The following MARS1 variants were observed in gnomAD, a reference collection of about 807,000 sequenced individuals.
MARS1 encodes methionyl-tRNA synthetase 1, also known as methionine--tRNA ligase, cytoplasmic.
MARS1 carries 80 observed loss-of-function variants against 119.5 expected under a neutral mutation model. That is an observed-to-expected ratio of 0.67 (90% CI 0.56 to 0.81). The LOEUF (loss-of-function observed/expected upper bound fraction) is 0.81, where lower values mean the gene tolerates loss of function less well. MARS1 is among the 30% of genes least tolerant of loss of function. The pLI is 0.00. For synonymous variants in MARS1, 418 were observed against 433.4 expected, an observed-to-expected ratio of 0.96 and a Z score of 0.44; for missense variants, 945 against 1,116.5, an observed-to-expected ratio of 0.85 and a Z score of 2.19.
Position 57,490,316 on chromosome 12 carries a change from T to A in MARS1, c.600T>A (p.Pro200=). 6.2e-7 allele frequency: 1 copy of A among 1,612,860 alleles called. No homozygotes were observed. The highest frequency in any genetic ancestry group is 2.2e-5 in the East Asian group (1 of 44,888). The change falls in exon 6 of 21, where the codon CCT becomes CCA. Residue 200 remains proline, a synonymous_variant. Coordinates refer to ENST00000262027, the MANE Select transcript of MARS1 (RefSeq NM_004990.4). ...AGCAAGGTGTCCTGGCTCTCCGGCCTTACCTCCAAAAGCAGCCCCAGCCCA... is the reference window on the plus strand; with the variant it reads ...AGCAAGGTGTCCTGGCTCTCCGGCCATACCTCCAAAAGCAGCCCCAGCCCA... The part of the protein sequence containing the change: ...LKQQGVLALR[P]YLQKQPQPSP...
rs1594833239 is a variant in MARS1 at position 57,512,420 on chromosome 12, A to G, written c.1753+67A>G. ...ATGAGGGGTGAGGCAGTACTTGGAAAAAGATCTTGGAGAGCTGCTATCTTG... is the reference window on the plus strand; with the variant it reads ...ATGAGGGGTGAGGCAGTACTTGGAAGAAGATCTTGGAGAGCTGCTATCTTG... On this transcript the variant is annotated intron_variant, in intron 14 of 20. Coordinates refer to ENST00000262027, the MANE Select transcript of MARS1 (RefSeq NM_004990.4). 1.5e-5 allele frequency: 17 copies of G among 1,145,566 alleles called. No individual in the cohort carries two copies. In the South Asian group the frequency reaches 1.9e-4, roughly 13 times the overall value. The allele number at this position is 1,145,566 out of a possible 1,614,324, so 71.0% of individuals were successfully genotyped here.
chr12:57,505,586 G>A (rs1428069960), intron 11 of MARS1, among the ~76,000 whole-genome samples: 1 of 152,110 alleles, frequency 6.6e-6, no homozygotes, highest in Non-Finnish European at 1.5e-5. Context: ...TGAGGTGGGA[G>A]GATCTCTTGA....
intron 7 of MARS1, among the ~76,000 whole-genome samples, chr12:57,493,378 TATATA>T (rs1434545146): frequency 4.7e-5 from 1 of 21,158 alleles, no homozygotes; most frequent in Admixed American, 7.8e-4. Flanking sequence ...TAATATATAT[TATATA>T]ATATATTATA....
At position 57,498,410 on chromosome 12, in the gene MARS1, T is replaced by A; in HGVS notation, c.888-10T>A. ...CGGGGCCCCCTAGCGATCACCATAT[T>A]CCCTTGCAGGTACTCTCGCCTCCGC... On this transcript the variant is annotated splice_polypyrimidine_tract_variant and intron_variant, in intron 8 of 20. Transcript: ENST00000262027. 3.7e-6 allele frequency: 6 copies of A among 1,613,054 alleles called. No individual in the cohort carries two copies. The highest frequency in any genetic ancestry group is 5.1e-6 in the Non-Finnish European group (6 of 1,179,776).
intron 7 of MARS1, among the ~76,000 whole-genome samples, chr12:57,494,991 A>G (rs957542165): frequency 1.3e-5 from 2 of 152,012 alleles, no homozygotes; most frequent in African/African-American, 4.8e-5. Context: ...CACCATTGTC[A>G]TCATGGCCCG....
At chr12:57,490,074 G>A (rs569333801) in intron 5 of MARS1, 103 bp downstream of exon 5, 1 of 1,432,634 alleles carries the variant, frequency 7.0e-7, no homozygotes, top group East Asian at 2.3e-5. Context: ...GCTTGACTGG[G>A]CAACTATAGC....
intron 10 of MARS1, among the ~76,000 whole-genome samples, chr12:57,503,735 T>C (rs1025946648): frequency 1.3e-5 from 2 of 152,026 alleles, no homozygotes; most frequent in Admixed American, 1.3e-4. Flanking sequence ...AGATACGGGG[T>C]TTCACTATGT....
intron 5 of MARS1, 96 bp from the exon 6 acceptor site, chr12:57,490,111 A>T: frequency 6.7e-7 from 1 of 1,484,000 alleles, no homozygotes; most frequent in Non-Finnish European, 9.3e-7. Flanking sequence ...AACTGGGGAA[A>T]GCAACTGGAG....
chr12:57,513,288 T>G (rs528013479), intron 15 of MARS1, among the ~76,000 whole-genome samples: 1 of 152,236 alleles, frequency 6.6e-6, no homozygotes, highest in Non-Finnish European at 1.5e-5. Flanking sequence ...ATTGAAAAGT[T>G]TGGCTGAAGA....
intron 7 of MARS1, among the ~76,000 whole-genome samples, chr12:57,491,924 TTC>T (rs1224011587): frequency 6.6e-6 from 1 of 152,178 alleles, no homozygotes; most frequent in African/African-American, 2.4e-5. Context: ...TCATGGGACT[TTC>T]TGTCTGGTAG....
In MARS1 at chr12:57,490,583, G is replaced by A. The variant is rs1368716892; in HGVS notation, c.709G>A (p.Val237Ile). The change falls in exon 7 of 21, where the codon GTT becomes ATT. Residue 237 changes from valine to isoleucine, a missense_variant. By Grantham distance (29) the Val-to-Ile change is conservative. Coordinates refer to ENST00000262027, the MANE Select transcript of MARS1 (RefSeq NM_004990.4). Reference sequence around the variant, plus strand: ...ATCTGAGGAGGAGATTGCTATGGCTGTTACTGCTTGGGAGAAGGGCCTAGA... The same window carrying A: ...ATCTGAGGAGGAGATTGCTATGGCTATTACTGCTTGGGAGAAGGGCCTAGA... ...TLSEEEIAMA[V>I]TAWEKGLESL... 5 of 1,614,132 alleles carry A rather than the reference G, an allele frequency of 3.1e-6. No homozygotes were observed. Among genetic ancestry groups the A allele is most frequent in the East Asian group, 4.5e-5 (2 of 44,874 alleles).
chr12:57,514,971 G>A lies in MARS1; in HGVS notation c.2117G>A (p.Arg706His), dbSNP rs757783733. 15 of 1,614,074 alleles carry A rather than the reference G, an allele frequency of 9.3e-6. No homozygotes were observed. Among genetic ancestry groups the A allele is most frequent in the East Asian group, 2.2e-5 (1 of 44,894 alleles). ...CTTCCCAGGATCCGGGATGCCTTGCGCAGTATCCTCACCATATCTCGACAT... is the reference window on the plus strand; with the variant it reads ...CTTCCCAGGATCCGGGATGCCTTGCACAGTATCCTCACCATATCTCGACAT... ...LEKVRIRDAL[R>H]SILTISRHGN... is the part of the protein sequence containing the mutation. Residue 706 changes from arginine to histidine, a missense_variant, in exon 17 of 21, where the codon CGC becomes CAC. Coordinates refer to ENST00000262027, the MANE Select transcript of MARS1 (RefSeq NM_004990.4).
rs186118125 is a variant in MARS1 at position 57,511,812 on chromosome 12, A to C, written c.1483A>C (p.Ile495Leu). Residue 495 changes from isoleucine (I) to leucine (L), a missense_variant, in exon 12 of 21, where the codon ATA becomes CTA. Coordinates refer to ENST00000262027, the MANE Select transcript of MARS1 (RefSeq NM_004990.4). ...TCGGGATGGCCTCAAGCCACGCTGC[A>C]TAACCCGAGACCTCAAATGGGGAAC... The part of the protein sequence containing the change: ...WLRDGLKPRC[I>L]TRDLKWGTPV... 6.2e-7 allele frequency: 1 copy of C among 1,614,234 alleles called. No individual in the cohort carries two copies. The highest frequency in any genetic ancestry group is 8.5e-7 in the Non-Finnish European group (1 of 1,180,034).
chr12:57,512,958 T>A lies in MARS1; in HGVS notation c.1961T>A (p.Ile654Asn), dbSNP rs780388272. 1 of 1,614,128 alleles carries A rather than the reference T, an allele frequency of 6.2e-7. No individual in the cohort carries two copies. The highest frequency in any genetic ancestry group is 8.5e-7 in the Non-Finnish European group (1 of 1,179,990). Reference protein sequence around the residue: ...SELLNNLGNFINRAGMFVSKF... With the variant: ...SELLNNLGNFNNRAGMFVSKF... ...CTGCTTAACAACCTGGGCAACTTCATCAACAGGTAGGACTTGGTAAGGGGT... is the reference window on the plus strand; with the variant it reads ...CTGCTTAACAACCTGGGCAACTTCAACAACAGGTAGGACTTGGTAAGGGGT... The change falls in exon 15 of 21, where the codon ATC becomes AAC. Residue 654 changes from isoleucine (I) to asparagine (N), a missense_variant. Ile to Asn is a moderately radical substitution (Grantham distance 149). Transcript: ENST00000262027.
At chr12:57,492,669 TCA>T (rs58931225) in intron 7 of MARS1, among the ~76,000 whole-genome samples, 53,109 of 138,330 alleles carry the variant, frequency 0.38, 10,490 homozygotes, top group Non-Finnish European at 0.48. Flanking sequence ...CGACTCCATT[TCA>T]CACACACACA....
At chr12:57,514,075 TAAAAA>T in intron 15 of MARS1, among the ~76,000 whole-genome samples, 1 of 126,316 alleles carries the variant, frequency 7.9e-6, no homozygotes, top group African/African-American at 2.9e-5. Context: ...AAAAAAAAAT[TAAAAA>T]AAAAAAAAAG....
chr12:57,511,650 C>T (rs751593713), intron 11 of MARS1, 48 bp from the exon 12 acceptor site: 2 of 1,598,116 alleles, frequency 1.3e-6, no homozygotes, highest in African/African-American at 1.3e-5. Context: ...CTTATGCTAA[C>T]CATATATGAG....
chr12:57,502,988 T>C (rs1419156848), intron 10 of MARS1, among the ~76,000 whole-genome samples: 1 of 152,070 alleles, frequency 6.6e-6, no homozygotes, highest in Non-Finnish European at 1.5e-5. Context: ...ACTGCACCAC[T>C]GCACTCCAGT....
chr12:57,493,852 ATATATTTATAT>A (rs1876391399), intron 7 of MARS1, among the ~76,000 whole-genome samples: 1 of 5,030 alleles, frequency 2.0e-4, no homozygotes, highest in African/African-American at 2.1e-4. Context: ...TATATAATAT[ATATATTTATAT>A]TATATAATAT....
Sources: allele counts gnomAD v4.1 joint callset (sites outside exome capture counted in the v4.1 genomes callset), GRCh38; gene constraint gnomAD v4.1.1; transcripts MANE v1.5; gene names NCBI Gene and HGNC (gene_info 2026-07-23, HGNC 2026-07-21).